The following TBXAS1 variants were observed in gnomAD, a reference collection of about 807,000 sequenced individuals.
TBXAS1 encodes the protein thromboxane A synthase 1.
In TBXAS1, 48 loss-of-function variants were observed where a neutral mutation model predicts 60.7. The observed-to-expected ratio is 0.79, with a 90% confidence interval of 0.63 to 1.01. The LOEUF is 1.01. TBXAS1 is among the 50% of genes least tolerant of loss of function. The pLI is 0.00. For missense variants in TBXAS1, 685 were observed against 686.3 expected (o/e 1.00, Z 0.02); for synonymous variants, 287 against 269.7 (o/e 1.06, Z -0.63).
intron 8 of TBXAS1, among the ~76,000 whole-genome samples, chr7:139,959,948 T>G (rs1170089011): frequency 6.6e-6 from 1 of 152,024 alleles, no homozygotes; most frequent in Non-Finnish European, 1.5e-5. Flanking sequence ...GGGCCAGCAG[T>G]GGGACCACAC....
chr7:139,923,143 C>A (rs1252216617), intron 4 of TBXAS1, among the ~76,000 whole-genome samples: 1 of 150,462 alleles, frequency 6.6e-6, no homozygotes, highest in Non-Finnish European at 1.5e-5. Flanking sequence ...CAAACCAAGA[C>A]CCAGTCTCTA....
At chr7:139,921,221 C>T (rs1267078440) in intron 4 of TBXAS1, among the ~76,000 whole-genome samples, 2 of 152,186 alleles carry the variant, frequency 1.3e-5, no homozygotes, top group African/African-American at 4.8e-5. Flanking sequence ...AGGGTTCCCT[C>T]ATGCCTCTTC....
At chr7:139,950,328 G>C (rs977533491) in intron 5 of TBXAS1, among the ~76,000 whole-genome samples, 1 of 152,090 alleles carries the variant, frequency 6.6e-6, no homozygotes, top group African/African-American at 2.4e-5. Flanking sequence ...GAGCCACCAC[G>C]CCTGGCCAGG....
Position 139,886,751 on chromosome 7 carries a change from T to G in TBXAS1, c.236+11114T>G, listed in dbSNP as rs1227511236. Among the ~76,000 whole-genome samples the G allele has an allele frequency of 3.3e-5, 5 of 152,190 alleles. No homozygotes were observed. In the South Asian group the frequency reaches 1.0e-3, roughly 32 times the overall value. ...TCCATTTGCCTTTGAAGATTGCTTG[T>G]AACTCTTCAAGTTCACTTCTTCATC... On this transcript the variant is annotated intron_variant, in intron 3 of 12. Coordinates refer to ENST00000448866, the MANE Select transcript of TBXAS1 (RefSeq NM_001061.7).
intron 9 of TBXAS1, chr7:139,962,465 G>A (rs1184447102): frequency 2.0e-6 from 1 of 488,318 alleles, no homozygotes; most frequent in Non-Finnish European, 3.7e-6. Context: ...TTCACTGTCT[G>A]GGGTAGTCCA....
At chr7:139,970,943 C>T (rs1392180756) in intron 9 of TBXAS1, among the ~76,000 whole-genome samples, 1 of 152,192 alleles carries the variant, frequency 6.6e-6, no homozygotes, top group Non-Finnish European at 1.5e-5. Context: ...CCCTACTCCC[C>T]TAAGCCCCTT....
chr7:139,958,381 T>C (rs576892532), intron 8 of TBXAS1, among the ~76,000 whole-genome samples: 12 of 152,334 alleles, frequency 7.9e-5, no homozygotes, highest in African/African-American at 2.9e-4. Flanking sequence ...TATTTGTTGA[T>C]TGAACTTGGC....
intron 1 of TBXAS1, among the ~76,000 whole-genome samples, chr7:139,831,940 C>G (rs1045390441): frequency 1.3e-5 from 2 of 151,844 alleles, no homozygotes; most frequent in African/African-American, 2.4e-5. Flanking sequence ...TCAAACAAAA[C>G]AAAACAAAAC....
chr7:139,905,031 C>CTTTCTTTT (rs1569511421), intron 3 of TBXAS1, among the ~76,000 whole-genome samples: 1 of 84,900 alleles, frequency 1.2e-5, no homozygotes, highest in Non-Finnish European at 2.3e-5. Flanking sequence ...TTCTTTCTTT[C>CTTTCTTTT]TTTCTTTCTT....
At chr7:139,890,224 T>C in intron 3 of TBXAS1, among the ~76,000 whole-genome samples, 1 of 144,198 alleles carries the variant, frequency 6.9e-6, no homozygotes, top group Non-Finnish European at 1.5e-5. Flanking sequence ...TTTTTTTTTT[T>C]TTTTTTTTTG....
chr7:139,905,418 T>G (rs1464091197), intron 3 of TBXAS1, among the ~76,000 whole-genome samples: 1 of 152,192 alleles, frequency 6.6e-6, no homozygotes, highest in Non-Finnish European at 1.5e-5. Flanking sequence ...TGTATCACAT[T>G]TATTGACTTG....
chr7:139,900,440 C>G (rs1033387990), intron 3 of TBXAS1, among the ~76,000 whole-genome samples: 1 of 152,154 alleles, frequency 6.6e-6, no homozygotes, highest in African/African-American at 2.4e-5. Context: ...GACACTGCCT[C>G]ACATTCACAC....
intron 4 of TBXAS1, among the ~76,000 whole-genome samples, chr7:139,811,320 C>T (rs757512855): frequency 2.1e-4 from 32 of 152,190 alleles, no homozygotes; most frequent in African/African-American, 7.0e-4. Context: ...TGAGCAAAGC[C>T]GTGGTGTGGG....
intron 1 of TBXAS1, among the ~76,000 whole-genome samples, chr7:139,859,104 A>G (rs919090362): frequency 6.6e-6 from 1 of 151,306 alleles, no homozygotes; most frequent in African/African-American, 2.4e-5. Context: ...CAAACTCCCA[A>G]CCTCAGGTGA....
intron 4 of TBXAS1, among the ~76,000 whole-genome samples, chr7:139,818,537 C>T (rs1376778173): frequency 2.0e-5 from 3 of 152,154 alleles, no homozygotes; most frequent in Non-Finnish European, 4.4e-5. Flanking sequence ...TATTTCTATA[C>T]TGCCATTCTA....
At chr7:139,857,216 C>T (rs1381647413) in intron 1 of TBXAS1, among the ~76,000 whole-genome samples, 1 of 152,170 alleles carries the variant, frequency 6.6e-6, no homozygotes, top group Non-Finnish European at 1.5e-5. Flanking sequence ...TACATCTGGG[C>T]TTACTGTCCC....
intron 3 of TBXAS1, among the ~76,000 whole-genome samples, chr7:139,880,570 G>A (rs978730660): frequency 6.6e-6 from 1 of 152,140 alleles, no homozygotes. Flanking sequence ...ATAGTCAAAT[G>A]GATCATATAT....
intron 1 of TBXAS1, among the ~76,000 whole-genome samples, chr7:139,831,320 G>T (rs78458908): frequency 6.6e-6 from 1 of 152,128 alleles, no homozygotes; most frequent in African/African-American, 2.4e-5. Flanking sequence ...AGTGCAAGGG[G>T]AACCACCCTT....
intron 9 of TBXAS1, among the ~76,000 whole-genome samples, chr7:139,983,279 G>A (rs1332333208): frequency 2.0e-5 from 3 of 152,114 alleles, no homozygotes; most frequent in African/African-American, 7.2e-5. Flanking sequence ...CCTTCCATGT[G>A]CTCTCACTGG....
Sources: allele counts gnomAD v4.1 joint callset (sites outside exome capture counted in the v4.1 genomes callset), GRCh38; gene constraint gnomAD v4.1.1; transcripts MANE v1.5; gene names NCBI Gene and HGNC (gene_info 2026-07-23, HGNC 2026-07-21).